Variants in NAALADL2 observed in about 807,000 individuals in gnomAD.
The protein encoded by NAALADL2 is N-acetylated alpha-linked acidic dipeptidase like 2.
In NAALADL2, 76 loss-of-function variants were observed where a neutral mutation model predicts 87.2. The observed-to-expected ratio is 0.87, with a 90% CI of 0.72 to 1.05. The LOEUF is 1.05. Among genes scored for constraint, NAALADL2 ranks in the 50% least tolerant of loss-of-function variants. The pLI is 0.00. For missense variants in NAALADL2, 1,089 were observed against 945.8 expected (o/e 1.15, Z -1.99); for synonymous variants, 354 against 331.0 (o/e 1.07, Z -0.75).
At chr3:175,079,444 T>C (rs1175798069) in intron 1 of NAALADL2, 1 of 152,212 alleles carries the variant, frequency 6.6e-6, no homozygotes, top group Non-Finnish European at 1.5e-5. Context: ...AGTTTATTCA[T>C]CTTTTTTGTT....
At chr3:175,258,075 G>A (rs1372904484) in intron 4 of NAALADL2, among the ~76,000 whole-genome samples, 1 of 152,016 alleles carries the variant, frequency 6.6e-6, no homozygotes, top group African/African-American at 2.4e-5. Context: ...TCTGGAGGCC[G>A]AGGTGGGCAG....
chr3:175,750,454 T>C (rs895473333), intron 12 of NAALADL2, among the ~76,000 whole-genome samples: 1 of 152,124 alleles, frequency 6.6e-6, no homozygotes, highest in Non-Finnish European at 1.5e-5. Context: ...CTTTAATTAA[T>C]ATTAATACTT....
At chr3:175,074,426 A>G (rs544365297) in intron 1 of NAALADL2, among the ~76,000 whole-genome samples, 102 of 152,232 alleles carry the variant, frequency 6.7e-4, no homozygotes, top group African/African-American at 2.4e-3. Flanking sequence ...AAGATAATCT[A>G]GCATCCTGGG....
At chr3:175,362,842 C>G (rs1356252205) in intron 5 of NAALADL2, among the ~76,000 whole-genome samples, 4 of 147,738 alleles carry the variant, frequency 2.7e-5, no homozygotes, top group Non-Finnish European at 4.5e-5. Context: ...ATGCCAACAT[C>G]TGTTGTTTTT....
intron 1 of NAALADL2, among the ~76,000 whole-genome samples, chr3:174,910,766 C>T (rs1733587982): frequency 6.6e-6 from 1 of 152,004 alleles, no homozygotes; most frequent in Non-Finnish European, 1.5e-5. Context: ...GTGACTTGAC[C>T]CTCCTCTTCC....
chr3:174,793,059 C>T (rs1578952603), intron 3 of NAALADL2, among the ~76,000 whole-genome samples: 1 of 152,096 alleles, frequency 6.6e-6, no homozygotes, highest in African/African-American at 2.4e-5. Context: ...CATGGAACCA[C>T]TGCACTTAAA....
intron 5 of NAALADL2, among the ~76,000 whole-genome samples, chr3:175,443,020 T>C (rs1409502509): frequency 6.6e-6 from 1 of 152,190 alleles, no homozygotes. Context: ...GTTCAAAACC[T>C]CTTAATAATG....
chr3:174,605,590 C>T (rs1718947238), intron 2 of NAALADL2, among the ~76,000 whole-genome samples: 1 of 152,172 alleles, frequency 6.6e-6, no homozygotes, highest in African/African-American at 2.4e-5. Flanking sequence ...GATCAAACTG[C>T]AAGGTGGCAG....
intron 1 of NAALADL2, among the ~76,000 whole-genome samples, chr3:174,869,357 T>A (rs1727523532): frequency 6.6e-6 from 1 of 152,090 alleles, no homozygotes; most frequent in African/African-American, 2.4e-5. Context: ...ATAAATATAA[T>A]TTTTCCCTTT....
chr3:175,460,847 C>G, intron 6 of NAALADL2, among the ~76,000 whole-genome samples: 1 of 152,214 alleles, frequency 6.6e-6, no homozygotes, highest in Middle Eastern at 3.4e-3. Context: ...CCAAAGAGTG[C>G]GCAGCAGCAA....
chr3:175,251,212 C>T (rs906799387), intron 3 of NAALADL2, among the ~76,000 whole-genome samples: 1 of 152,096 alleles, frequency 6.6e-6, no homozygotes, highest in Non-Finnish European at 1.5e-5. Flanking sequence ...GTCGTCATCC[C>T]AAAACTTTGA....
At chr3:174,447,977 G>C (rs944617098) in intron 1 of NAALADL2, among the ~76,000 whole-genome samples, 1 of 152,050 alleles carries the variant, frequency 6.6e-6, no homozygotes, top group African/African-American at 2.4e-5. Context: ...ACTTATTATT[G>C]CTGTTATCTA....
intron 11 of NAALADL2, among the ~76,000 whole-genome samples, chr3:175,685,449 G>GGTGT (rs59449046): frequency 0.029 from 4,218 of 144,628 alleles, 75 homozygotes; most frequent in East Asian, 0.062. Flanking sequence ...ACCAACAGGA[G>GGTGT]GTGTGTGTGT....
chr3:174,504,868 C>T (rs898365635), intron 1 of NAALADL2, among the ~76,000 whole-genome samples: 1 of 152,040 alleles, frequency 6.6e-6, no homozygotes, highest in African/African-American at 2.4e-5. Flanking sequence ...CTAGACATCT[C>T]GTATAGAGAA....
chr3:175,747,451 T>A (rs1439328969), intron 12 of NAALADL2, among the ~76,000 whole-genome samples: 1 of 152,180 alleles, frequency 6.6e-6, no homozygotes, highest in Non-Finnish European at 1.5e-5. Flanking sequence ...TTCCCTAAGG[T>A]GTATTTTTTG....
At chr3:175,422,077 T>C (rs1715800866) in intron 5 of NAALADL2, among the ~76,000 whole-genome samples, 1 of 152,112 alleles carries the variant, frequency 6.6e-6, no homozygotes, top group African/African-American at 2.4e-5. Flanking sequence ...ATTTTACTTT[T>C]TATGTCTTTG....
chr3:175,576,104 A>T lies in NAALADL2; in HGVS notation c.1717A>T (p.Ile573Leu), dbSNP rs199849033. The T allele has an allele frequency of 6.2e-7, 1 of 1,613,506 alleles. No homozygotes were observed. The highest frequency in any genetic ancestry group is 2.2e-5 in the East Asian group (1 of 44,866). ...AGAAACCAATATCAGTTCTATACAG[A>T]TACAAGGTGATGCTGATTATTTCAT... ...CPETNISSIQ[I>L]QGDADYFINH... is the part of the protein sequence containing the mutation. The change falls in exon 10 of 14, where the codon ATA becomes TTA. Residue 573 changes from isoleucine to leucine, a missense_variant. By Grantham distance (5) the Ile-to-Leu change is conservative (BLOSUM62 2). Transcript: ENST00000454872.
chr3:174,994,109 A>T (rs1300416794), intron 1 of NAALADL2, among the ~76,000 whole-genome samples: 1 of 152,212 alleles, frequency 6.6e-6, no homozygotes, highest in Non-Finnish European at 1.5e-5. Context: ...CTGGATAGAC[A>T]TGAATTTCCA....
intron 5 of NAALADL2, among the ~76,000 whole-genome samples, chr3:175,435,815 C>A (rs1305085186): frequency 6.6e-6 from 1 of 150,770 alleles, no homozygotes; most frequent in Non-Finnish European, 1.5e-5. Flanking sequence ...AAGGAAGACC[C>A]AAATTAATAT....
Sources: gnomAD v4.1 joint callset for allele counts (sites outside exome capture counted in the v4.1 genomes callset) on GRCh38, gnomAD v4.1.1 for gene constraint, MANE v1.5 for transcripts, NCBI Gene and HGNC (gene_info 2026-07-23, HGNC 2026-07-21) for gene names.